CACNA1C: variants seen among roughly 807,000 people sequenced by gnomAD.
CACNA1C encodes the protein calcium voltage-gated channel subunit alpha1 C.
CACNA1C carries 30 observed loss-of-function variants against 229.0 expected under a neutral mutation model. That is an observed-to-expected ratio of 0.13 (90% CI 0.10 to 0.18). CACNA1C has a LOEUF of 0.18. Ranked by LOEUF, CACNA1C falls within the 10% of genes least tolerant of loss-of-function variation. The pLI is 1.00. For synonymous variants in CACNA1C, 1,114 were observed against 1,132.5 expected (o/e 0.98, Z 0.33); for missense variants, 1,658 against 2,845.0 (o/e 0.58, Z 9.49).
chr12:2,247,159 G>A (rs1039214356), intron 3 of CACNA1C, among the ~76,000 whole-genome samples: 3 of 151,974 alleles, frequency 2.0e-5, no homozygotes, highest in African/African-American at 7.3e-5. Context: ...CTTTATTCTT[G>A]TCTTAAAAAT....
chr12:2,427,837 C>T (rs1176370900), intron 3 of CACNA1C, among the ~76,000 whole-genome samples: 3 of 152,108 alleles, frequency 2.0e-5, no homozygotes, highest in Admixed American at 2.0e-4. Flanking sequence ...CCAGGCTGGT[C>T]TTGAACTCCT....
chr12:2,561,944 A>G (rs1422412497), intron 11 of CACNA1C, among the ~76,000 whole-genome samples: 1 of 152,212 alleles, frequency 6.6e-6, no homozygotes, highest in Non-Finnish European at 1.5e-5. Flanking sequence ...ACACATTCTA[A>G]TAAACCATTA....
At chr12:2,498,148 A>C (rs1278773850) in intron 7 of CACNA1C, among the ~76,000 whole-genome samples, 1 of 152,170 alleles carries the variant, frequency 6.6e-6, no homozygotes, top group Non-Finnish European at 1.5e-5. Context: ...TTCACTGCAG[A>C]ATATAGAGTT....
At chr12:2,093,533 G>A (rs1418057421) in intron 1 of CACNA1C, among the ~76,000 whole-genome samples, 2 of 152,252 alleles carry the variant, frequency 1.3e-5, no homozygotes, top group African/African-American at 2.4e-5. Flanking sequence ...CTGGCAACAT[G>A]TGTTCGTACC....
chr12:2,027,955 G>T (rs1379141358), intron 1 of CACNA1C, among the ~76,000 whole-genome samples: 1 of 152,148 alleles, frequency 6.6e-6, no homozygotes, highest in East Asian at 1.9e-4. Flanking sequence ...AGTTAAGAGG[G>T]GGCTGTGTTT....
At chr12:2,058,793 C>T (rs1481314825) in intron 1 of CACNA1C, among the ~76,000 whole-genome samples, 1 of 152,146 alleles carries the variant, frequency 6.6e-6, no homozygotes, top group Non-Finnish European at 1.5e-5. Context: ...TTAAACTGAA[C>T]CCACTGCAGA....
chr12:2,460,823 C>T (rs933985288), intron 5 of CACNA1C, among the ~76,000 whole-genome samples: 1 of 152,176 alleles, frequency 6.6e-6, no homozygotes, highest in Non-Finnish European at 1.5e-5. Flanking sequence ...TCCTTTGGGT[C>T]ACCAGTAAAA....
At chr12:2,684,330 C>A (rs1403295946) in intron 43 of CACNA1C, among the ~76,000 whole-genome samples, 1 of 152,100 alleles carries the variant, frequency 6.6e-6, no homozygotes, top group Non-Finnish European at 1.5e-5. Flanking sequence ...GGGTGACAGG[C>A]CTTCTACTTT....
At position 2,595,959 on chromosome 12, in the gene CACNA1C, C is replaced by G; in HGVS notation, c.2749C>G (p.Leu917Val). The G allele has an allele frequency of 6.2e-7, 1 of 1,613,398 alleles. No homozygotes were observed. The highest frequency in any genetic ancestry group is 8.5e-7 in the Non-Finnish European group (1 of 1,179,510). The change falls in exon 20 of 47, where the codon CTG (leucine) becomes GTG (valine). Residue 917 changes from leucine to valine, a missense_variant. Leu to Val is a conservative substitution (Grantham distance 32, BLOSUM62 1). Transcript: ENST00000399655. The surrounding 1 kb of genome is among the most constrained non-coding windows in gnomAD (Gnocchi z 4.1). ...CTTCATTCTGCTCAGCAGCATTTCC[C>G]TGGCTGCTGAGGACCCGGTCCAGCA... ...LFFILLSSISLAAEDPVQHTS... is the reference protein window; with the variant it reads ...LFFILLSSISVAAEDPVQHTS...
In CACNA1C at chr12:2,605,558, C is replaced by A; in HGVS notation, c.3049-121C>A. On this transcript the variant is annotated intron_variant, in intron 23 of 46. Coordinates refer to ENST00000399655, the MANE Select transcript of CACNA1C (RefSeq NM_000719.7). The surrounding 1 kb of genome is among the most constrained non-coding windows in gnomAD (Gnocchi z 6.2). The stretch of plus-strand genomic sequence containing the variant: ...TTCCCATGTGACTTTGGGAGCGTGG[C>A]TTTGCCCCTCTCAGCCCAATTACTC... 1.4e-6 allele frequency: 1 copy of A among 730,900 alleles called. No individual in the cohort carries two copies. Among genetic ancestry groups the A allele is most frequent in the Non-Finnish European group, 2.5e-6 (1 of 405,208 alleles). 45.3% of individuals were successfully genotyped at this position (730,900 alleles called of 1,614,324 possible).
At chr12:2,533,518 C>G (rs1342055051) in intron 9 of CACNA1C, among the ~76,000 whole-genome samples, 1 of 152,192 alleles carries the variant, frequency 6.6e-6, no homozygotes, top group Non-Finnish European at 1.5e-5. Flanking sequence ...AGGGTGCTTC[C>G]GATGCCTCCA....
chr12:2,145,139 A>G (rs1189614747), intron 3 of CACNA1C, among the ~76,000 whole-genome samples: 1 of 151,362 alleles, frequency 6.6e-6, no homozygotes, highest in Non-Finnish European at 1.5e-5. Flanking sequence ...TGCTGTCATT[A>G]CCTATTAGCA....
Position 2,653,754 on chromosome 12 carries a change from A to G in CACNA1C, c.4075-81A>G, listed in dbSNP as rs1435366174. 2 of 1,199,076 alleles carry G rather than the reference A, an allele frequency of 1.7e-6. No individual in the cohort carries two copies. Among genetic ancestry groups the G allele is most frequent in the Non-Finnish European group, 2.5e-6 (2 of 813,000 alleles). The allele number at this position is 1,199,076 out of a possible 1,614,324, so 74.3% of individuals were successfully genotyped here. A position where few individuals can be genotyped will look rare whatever the true frequency, so the allele number is the denominator to read the frequency against. ...GGCAATAGCTGATGGCTGCAGAGAC[A>G]GGGATGCGGCGCTCCCTGGGAAGGG... On this transcript the variant is annotated intron_variant, in intron 32 of 46. Coordinates refer to ENST00000399655, the MANE Select transcript of CACNA1C (RefSeq NM_000719.7). The surrounding 1 kb of genome is among the most constrained non-coding windows in gnomAD (Gnocchi z 4.7).
chr12:2,202,035 T>G (rs1247426930), intron 3 of CACNA1C, among the ~76,000 whole-genome samples: 1 of 152,256 alleles, frequency 6.6e-6, no homozygotes, highest in Non-Finnish European at 1.5e-5. Flanking sequence ...ATTTTTCTGG[T>G]TCTTCATCAC....
At chr12:2,161,490 G>A (rs1485166401) in intron 3 of CACNA1C, among the ~76,000 whole-genome samples, 1 of 152,212 alleles carries the variant, frequency 6.6e-6, no homozygotes, top group African/African-American at 2.4e-5. Context: ...GGCCCCGCCT[G>A]TCACCTCTCC....
chr12:2,467,123 C>A lies in CACNA1C; in HGVS notation c.757+9417C>A, dbSNP rs192681791. On this transcript the variant is annotated intron_variant, in intron 5 of 46. Coordinates refer to ENST00000399655, the MANE Select transcript of CACNA1C (RefSeq NM_000719.7). The surrounding 1 kb of genome is among the most constrained non-coding windows in gnomAD (Gnocchi z 4.6). ...CACACAGCGCTGGAGGCTGCCTGGT[C>A]CCCCTGCCCGCCCATCGGAGATGGT... is the stretch of plus-strand genomic sequence containing the variant. Among the ~76,000 whole-genome samples, 1 of 152,128 alleles carries A rather than the reference C, an allele frequency of 6.6e-6. No individual in the cohort carries two copies. Among genetic ancestry groups the A allele is most frequent in the African/African-American group, 2.4e-5 (1 of 41,436 alleles).
chr12:2,137,695 T>G (rs1344387759), intron 3 of CACNA1C, among the ~76,000 whole-genome samples: 1 of 151,412 alleles, frequency 6.6e-6, no homozygotes, highest in African/African-American at 2.4e-5. Context: ...ACTTACTGTT[T>G]TTTTTTTTCT....
Position 2,053,706 on chromosome 12 carries a change from T to C in CACNA1C, c.49+95T>C. 2.5e-6 allele frequency: 2 copies of C among 800,008 alleles called. No individual in the cohort carries two copies. The highest frequency in any genetic ancestry group is 3.2e-6 in the Non-Finnish European group (2 of 615,704). 49.6% of individuals were successfully genotyped at this position (800,008 alleles called of 1,614,324 possible). A position where few individuals can be genotyped will look rare whatever the true frequency, so the allele number is the denominator to read the frequency against. ...TCCCCGCGGCCCCGGGGCCGGTCCC[T>C]GCGGAGTGGCCCGGGGCCGCGTCCG... On this transcript the variant is annotated intron_variant, in intron 1 of 46. Coordinates refer to ENST00000399655, the MANE Select transcript of CACNA1C (RefSeq NM_000719.7). This position sits in a 1 kb window ranked among gnomAD's most constrained non-coding sequence, Gnocchi z 5.8.
At chr12:2,231,912 CTTTT>C (rs962724451) in intron 3 of CACNA1C, among the ~76,000 whole-genome samples, 2 of 152,184 alleles carry the variant, frequency 1.3e-5, no homozygotes, top group African/African-American at 4.8e-5. Context: ...CTTAGTTTGT[CTTTT>C]TATTTTTTTT....
Sources: allele counts gnomAD v4.1 joint callset (sites outside exome capture counted in the v4.1 genomes callset), GRCh38; gene constraint gnomAD v4.1.1; non-coding constraint Gnocchi (gnomAD v3.1); transcripts MANE v1.5; gene names NCBI Gene and HGNC (gene_info 2026-07-23, HGNC 2026-07-21).